STK39: variants seen among roughly 807,000 people sequenced by gnomAD.
STK39 encodes STE20/SPS1-related proline-alanine-rich protein kinase.
Under a neutral mutation model 77.8 loss-of-function variants are expected in STK39, and 20 were observed. The observed-to-expected ratio is 0.26, with a 90% CI of 0.18 to 0.37. STK39 has a LOEUF of 0.37. Among genes scored for constraint, STK39 ranks in the 10% least tolerant of loss-of-function variants. STK39 has a pLI of 1.00. For synonymous variants in STK39, 246 were observed against 234.1 expected, an observed-to-expected ratio of 1.05 and a Z score of -0.47; for missense variants, 479 against 656.5, an observed-to-expected ratio of 0.73 and a Z score of 2.95.
intron 16 of STK39, among the ~76,000 whole-genome samples, chr2:168,011,974 G>C (rs1446053935): frequency 1.3e-5 from 2 of 152,114 alleles, no homozygotes; most frequent in Non-Finnish European, 2.9e-5. Flanking sequence ...TGTCCAAAAA[G>C]AGAATATAGA....
chr2:167,986,601 A>G (rs1172724330), intron 16 of STK39, among the ~76,000 whole-genome samples: 1 of 152,204 alleles, frequency 6.6e-6, no homozygotes, highest in East Asian at 1.9e-4. Flanking sequence ...CCAGAAATGG[A>G]TTTAGACTTT....
At chr2:168,162,302 A>T (rs1489767882) in intron 4 of STK39, among the ~76,000 whole-genome samples, 2 of 151,656 alleles carry the variant, frequency 1.3e-5, no homozygotes, top group African/African-American at 4.8e-5. Flanking sequence ...AAAAAAAAAA[A>T]AAAAAAAAAA....
intron 10 of STK39, among the ~76,000 whole-genome samples, chr2:168,087,187 C>A (rs1040285778): frequency 3.3e-5 from 5 of 152,150 alleles, no homozygotes; most frequent in African/African-American, 1.2e-4. Context: ...GCTTAGGATA[C>A]AGCAATAAGT....
chr2:167,998,445 T>C (rs1683908354), intron 16 of STK39, among the ~76,000 whole-genome samples: 1 of 152,216 alleles, frequency 6.6e-6, no homozygotes, highest in Admixed American at 6.5e-5. Context: ...ATAATGATAA[T>C]AGTTCTACTT....
intron 10 of STK39, among the ~76,000 whole-genome samples, chr2:168,077,647 C>A (rs1365348611): frequency 3.3e-5 from 5 of 152,124 alleles, no homozygotes; most frequent in African/African-American, 1.2e-4. Flanking sequence ...ACTAACTTGT[C>A]TTTGAGAATG....
chr2:168,240,236 G>T (rs1254490127), intron 1 of STK39, among the ~76,000 whole-genome samples: 2 of 152,174 alleles, frequency 1.3e-5, no homozygotes, highest in Non-Finnish European at 2.9e-5. Context: ...AGGGAGGCAA[G>T]AGACAATTCC....
intron 1 of STK39, among the ~76,000 whole-genome samples, chr2:168,213,689 TA>T (rs10706908): frequency 0.34 from 42,148 of 124,190 alleles, 7,166 homozygotes; most frequent in African/African-American, 0.5. Flanking sequence ...CAGCCATATT[TA>T]AAAAAAAAAA....
chr2:168,033,817 A>C (rs1361888375), intron 14 of STK39, among the ~76,000 whole-genome samples: 2 of 152,126 alleles, frequency 1.3e-5, no homozygotes, highest in Admixed American at 1.3e-4. Flanking sequence ...GAGCTATGAG[A>C]CCTTGGGGCA....
chr2:168,163,488 CTT>C (rs1268001843), intron 4 of STK39, among the ~76,000 whole-genome samples: 6 of 152,200 alleles, frequency 3.9e-5, no homozygotes, highest in East Asian at 3.8e-4. Context: ...AATTTATTCT[CTT>C]GTTTCTTTCT....
chr2:168,125,732 T>C (rs982272021), intron 10 of STK39, among the ~76,000 whole-genome samples: 1 of 152,220 alleles, frequency 6.6e-6, no homozygotes, highest in African/African-American at 2.4e-5. Flanking sequence ...AAAAATGTTT[T>C]GCATACTAAA....
chr2:168,223,459 C>T (rs1383885854), intron 1 of STK39, among the ~76,000 whole-genome samples: 1 of 145,100 alleles, frequency 6.9e-6, no homozygotes, highest in Non-Finnish European at 1.5e-5. Flanking sequence ...TGTGGTGAGC[C>T]GAGATTGCGC....
chr2:167,968,639 C>T (rs968087120), intron 16 of STK39, among the ~76,000 whole-genome samples: 2 of 152,106 alleles, frequency 1.3e-5, no homozygotes, highest in Admixed American at 1.3e-4. Flanking sequence ...GGTTACCTGA[C>T]AAGGTGATGA....
chr2:168,045,172 G>A (rs959950859), intron 14 of STK39, among the ~76,000 whole-genome samples: 1 of 151,924 alleles, frequency 6.6e-6, no homozygotes, highest in Non-Finnish European at 1.5e-5. Context: ...ATTTAATCTG[G>A]TTAAAAAAAA....
At chr2:168,094,515 CT>C (rs1324639848) in intron 10 of STK39, among the ~76,000 whole-genome samples, 6 of 152,320 alleles carry the variant, frequency 3.9e-5, no homozygotes, top group Admixed American at 1.3e-4. Context: ...TTAATTCTGA[CT>C]GTCCAACTTT....
intron 17 of STK39, among the ~76,000 whole-genome samples, chr2:167,963,634 C>T (rs954413328): frequency 6.6e-6 from 1 of 151,844 alleles, no homozygotes; most frequent in African/African-American, 2.4e-5. Flanking sequence ...ATGTTACTTT[C>T]TTATCAAAGC....
At chr2:168,139,456 A>G (rs1235669739) in intron 7 of STK39, among the ~76,000 whole-genome samples, 1 of 150,962 alleles carries the variant, frequency 6.6e-6, no homozygotes, top group Non-Finnish European at 1.5e-5. Flanking sequence ...CTGAAACCTT[A>G]GTAGAGATTG....
At chr2:168,064,237 GT>G (rs1685738008) in intron 13 of STK39, among the ~76,000 whole-genome samples, 1 of 152,184 alleles carries the variant, frequency 6.6e-6, no homozygotes, top group Non-Finnish European at 1.5e-5. Flanking sequence ...ATAGATGAAA[GT>G]GAGTCATAAA....
chr2:168,136,623 G>C (rs981773494), intron 8 of STK39, among the ~76,000 whole-genome samples: 11 of 152,088 alleles, frequency 7.2e-5, no homozygotes, highest in Admixed American at 5.2e-4. Flanking sequence ...TAATAACCTA[G>C]TACTAACTGG....
At chr2:168,070,055 C>T (rs1054063020) in intron 12 of STK39, among the ~76,000 whole-genome samples, 1 of 151,912 alleles carries the variant, frequency 6.6e-6, no homozygotes. Flanking sequence ...AAAGAGATTC[C>T]AAAACCACTG....
Sources: gnomAD v4.1 joint callset for allele counts (sites outside exome capture counted in the v4.1 genomes callset) on GRCh38, gnomAD v4.1.1 for gene constraint, MANE v1.5 for transcripts, NCBI Gene and HGNC (gene_info 2026-07-23, HGNC 2026-07-21) for gene names.